Variants in JAK1 observed in about 807,000 individuals in gnomAD.
The protein encoded by JAK1 is Janus kinase 1, also known as tyrosine-protein kinase JAK1.
In JAK1, 16 loss-of-function variants were observed where a neutral mutation model predicts 136.6. The ratio of observed to expected loss-of-function variants is 0.12; its 90% CI spans 0.08 to 0.18. JAK1 has a LOEUF of 0.18. Ranked by LOEUF, JAK1 falls within the 10% of genes least tolerant of loss-of-function variation. The probability of loss-of-function intolerance (pLI) is 1.00; values close to 1 mark genes in which losing one functional copy is unlikely to be tolerated. For missense variants in JAK1, 859 were observed against 1,450.1 expected (o/e 0.59, Z 6.62); for synonymous variants, 492 against 519.5 (o/e 0.95, Z 0.72).
At chr1:65,020,514 A>G (rs1288950622) in intron 2 of JAK1, among the ~76,000 whole-genome samples, 1 of 152,202 alleles carries the variant, frequency 6.6e-6, no homozygotes, top group Non-Finnish European at 1.5e-5. Flanking sequence ...TTATATCTGG[A>G]TCACAGTACT....
At chr1:65,047,683 C>T (rs934948143) in intron 1 of JAK1, among the ~76,000 whole-genome samples, 1 of 151,586 alleles carries the variant, frequency 6.6e-6, no homozygotes, top group South Asian at 2.1e-4. Flanking sequence ...CACGCCACTG[C>T]ACTCCAGCCC....
intron 1 of JAK1, among the ~76,000 whole-genome samples, chr1:64,949,455 T>C (rs1165073675): frequency 2.0e-5 from 3 of 152,180 alleles, no homozygotes; most frequent in Non-Finnish European, 4.4e-5. Context: ...TATAACCCAG[T>C]TGTACAAAAA....
At chr1:64,920,576 A>C (rs558798430) in intron 1 of JAK1, among the ~76,000 whole-genome samples, 16 of 152,284 alleles carry the variant, frequency 1.1e-4, no homozygotes, top group Non-Finnish European at 2.4e-4. Context: ...CACTAGACCA[A>C]ACTAAAATTA....
upstream of JAK1, among the ~76,000 whole-genome samples, chr1:64,971,541 T>C (rs1376443964): frequency 2.0e-5 from 3 of 151,226 alleles, no homozygotes; most frequent in Non-Finnish European, 4.4e-5. Flanking sequence ...TTCATCATGT[T>C]GCCCAGGTTT....
chr1:64,938,413 G>C (rs746337639), intron 1 of JAK1, among the ~76,000 whole-genome samples: 12 of 152,092 alleles, frequency 7.9e-5, no homozygotes, highest in Non-Finnish European at 5.9e-5. Context: ...TAGGAAACAA[G>C]ACCCAGAAGC....
At chr1:64,978,623 A>G (rs1208373459) in intron 2 of JAK1, among the ~76,000 whole-genome samples, 1 of 152,220 alleles carries the variant, frequency 6.6e-6, no homozygotes, top group East Asian at 1.9e-4. Flanking sequence ...AGTGAGCCCA[A>G]GGATGCTTTA....
chr1:64,890,713 G>T (rs1342898436), intron 1 of JAK1, among the ~76,000 whole-genome samples: 1 of 152,170 alleles, frequency 6.6e-6, no homozygotes, highest in African/African-American at 2.4e-5. Flanking sequence ...AGGTATTGAC[G>T]CAATATAAAA....
At chr1:64,857,198 T>C (rs931650797) in intron 10 of JAK1, among the ~76,000 whole-genome samples, 3 of 152,206 alleles carry the variant, frequency 2.0e-5, no homozygotes, top group Non-Finnish European at 4.4e-5. Context: ...GAAGCTACCA[T>C]TTGGAAAAAA....
intron 1 of JAK1, among the ~76,000 whole-genome samples, chr1:64,939,286 T>G (rs1185112472): frequency 6.6e-6 from 1 of 152,188 alleles, no homozygotes; most frequent in Non-Finnish European, 1.5e-5. Flanking sequence ...TAAGCACAAC[T>G]CATACCTCTA....
At chr1:65,017,969 C>G (rs1646904150) in intron 2 of JAK1, among the ~76,000 whole-genome samples, 1 of 151,832 alleles carries the variant, frequency 6.6e-6, no homozygotes. Flanking sequence ...GCCACCAGGC[C>G]CAACTAATTT....
intron 1 of JAK1, among the ~76,000 whole-genome samples, chr1:64,894,902 G>A (rs1644992471): frequency 6.6e-6 from 1 of 152,084 alleles, no homozygotes; most frequent in African/African-American, 2.4e-5. Flanking sequence ...AAACTGCCCT[G>A]CCAACAAAGA....
intron 1 of JAK1, among the ~76,000 whole-genome samples, chr1:65,058,118 C>T (rs1330493025): frequency 6.6e-6 from 1 of 152,092 alleles, no homozygotes; most frequent in Non-Finnish European, 1.5e-5. Flanking sequence ...TTACCTTTCA[C>T]ATTTATAAAA....
At chr1:65,013,882 C>T (rs1646871358) in intron 2 of JAK1, among the ~76,000 whole-genome samples, 1 of 152,052 alleles carries the variant, frequency 6.6e-6, no homozygotes, top group Admixed American at 6.6e-5. Context: ...AAAATTATGC[C>T]TACTATTGTT....
chr1:65,002,780 T>C (rs903393706), intron 2 of JAK1, among the ~76,000 whole-genome samples: 2 of 152,198 alleles, frequency 1.3e-5, no homozygotes, highest in Non-Finnish European at 1.5e-5. Flanking sequence ...CCACGATCGA[T>C]GTGGCCAGTC....
intron 2 of JAK1, among the ~76,000 whole-genome samples, chr1:64,996,245 G>A (rs1403657095): frequency 6.6e-6 from 1 of 152,004 alleles, no homozygotes; most frequent in Non-Finnish European, 1.5e-5. Context: ...TTTCCTTCTA[G>A]TGCCATCATG....
intron 1 of JAK1, among the ~76,000 whole-genome samples, chr1:64,887,794 A>G (rs2101322383): frequency 6.6e-6 from 1 of 152,310 alleles, no homozygotes; most frequent in South Asian, 2.1e-4. Flanking sequence ...GTCTCAGCAA[A>G]AGGATCAGCA....
chr1:64,905,233 C>A (rs1016214632), intron 1 of JAK1, among the ~76,000 whole-genome samples: 6 of 152,204 alleles, frequency 3.9e-5, no homozygotes, highest in Non-Finnish European at 7.3e-5. Context: ...TGCCTCATCT[C>A]CAGTGCGAGG....
At chr1:65,065,124 A>G (rs1647983935) in intron 1 of JAK1, among the ~76,000 whole-genome samples, 1 of 152,052 alleles carries the variant, frequency 6.6e-6, no homozygotes, top group South Asian at 2.1e-4. Flanking sequence ...CTGGATTCCT[A>G]AGGTAGTTCT....
rs1024957157 is a variant in JAK1 at position 64,844,352 on chromosome 1, T to G, written c.2252-137A>C. The G allele has an allele frequency of 2.6e-6, 3 of 1,154,298 alleles. No homozygotes were observed. In the East Asian group the frequency reaches 7.1e-5, roughly 27 times the overall value. 71.5% of individuals were successfully genotyped at this position (1,154,298 alleles called of 1,614,324 possible). ...TGCCCAAACATGGCCCATGGCCACATAGGCCCTGTGCGGGGGGCCTGCAGG... is the reference window on the plus strand; with the variant it reads ...TGCCCAAACATGGCCCATGGCCACAGAGGCCCTGTGCGGGGGGCCTGCAGG... On this transcript the variant is annotated intron_variant, in intron 16 of 24. Transcript: ENST00000342505. This position sits in a 1 kb window ranked among gnomAD's most constrained non-coding sequence, Gnocchi z 5.7.
Sources: allele counts gnomAD v4.1 joint callset (sites outside exome capture counted in the v4.1 genomes callset), GRCh38; gene constraint gnomAD v4.1.1; non-coding constraint Gnocchi (gnomAD v3.1); transcripts MANE v1.5; gene names NCBI Gene and HGNC (gene_info 2026-07-23, HGNC 2026-07-21).